Variants in CBLB observed in about 807,000 individuals in gnomAD.
CBLB encodes E3 ubiquitin-protein ligase CBL-B.
CBLB carries 31 observed loss-of-function variants against 104.9 expected under a neutral mutation model. The observed-to-expected ratio is 0.30, with a 90% CI of 0.22 to 0.40. CBLB has a LOEUF of 0.40. CBLB is among the 10% of genes least tolerant of loss of function. The pLI is 1.00. For synonymous variants in CBLB, 440 were observed against 422.6 expected (o/e 1.04, Z -0.51); for missense variants, 1,062 against 1,214.6 (o/e 0.87, Z 1.87).
intron 4 of CBLB, among the ~76,000 whole-genome samples, chr3:105,766,920 T>G (rs1380495070): frequency 6.6e-6 from 1 of 152,236 alleles, no homozygotes; most frequent in African/African-American, 2.4e-5. Context: ...TAAGTATTTA[T>G]CTTCTTTTTA....
rs190089956 is a variant in CBLB at position 105,718,211 on chromosome 3, C to T, written c.1407+1836G>A. ...GTCAAAAAAAATCACATAATTCAAA[C>T]TATTAATAAAAACTGTATCTTTCAG... On this transcript the variant is annotated intron_variant, in intron 10 of 18. Coordinates refer to ENST00000394030, the MANE Select transcript of CBLB (RefSeq NM_170662.5). Among the ~76,000 whole-genome samples, 109 of 152,262 alleles carry T rather than the reference C, an allele frequency of 7.2e-4. No individual in the cohort carries two copies. In the Middle Eastern group the frequency reaches 0.014, roughly 19 times the overall value.
chr3:105,696,727 C>T (rs2068433143), intron 12 of CBLB, among the ~76,000 whole-genome samples: 1 of 151,828 alleles, frequency 6.6e-6, no homozygotes, highest in Non-Finnish European at 1.5e-5. Context: ...GAAAAGAAAA[C>T]TTTAAATATT....
chr3:105,693,609 T>TA (rs1056357297), intron 12 of CBLB, 21 bp from the exon 13 acceptor site: 1 of 1,553,136 alleles, frequency 6.4e-7, no homozygotes, highest in African/African-American at 1.4e-5. Context: ...ATCAAATTGT[T>TA]AGTTTCCAAG....
At chr3:105,800,221 C>T (rs1220209262) in intron 3 of CBLB, among the ~76,000 whole-genome samples, 1 of 152,136 alleles carries the variant, frequency 6.6e-6, no homozygotes, top group African/African-American at 2.4e-5. Context: ...ATTAAATCCG[C>T]ATGTGCAGAC....
At chr3:105,778,943 GAGTTTAAGAAA>G (rs1188895542) in intron 3 of CBLB, among the ~76,000 whole-genome samples, 1 of 152,126 alleles carries the variant, frequency 6.6e-6, no homozygotes, top group Non-Finnish European at 1.5e-5. Flanking sequence ...TTAAAGATTT[GAGTTTAAGAAA>G]AGTATAAAGT....
chr3:105,772,461 G>T (rs897310444), intron 4 of CBLB, among the ~76,000 whole-genome samples: 1 of 152,120 alleles, frequency 6.6e-6, no homozygotes, highest in Non-Finnish European at 1.5e-5. Flanking sequence ...CATTAGCTTA[G>T]GCAGAGAATT....
At position 105,708,382 on chromosome 3, in the gene CBLB, T is replaced by C. The variant is rs184263612; in HGVS notation, c.1408-4209A>G. 2.6e-5 allele frequency among the ~76,000 whole-genome samples: 4 copies of C among 152,174 alleles called. No homozygotes were observed. The East Asian group carries it at 7.7e-4, about 29-fold the overall frequency. ...ATTGTGTATAAAAATGCAGACCAAA[T>C]ACATAAGTATAAAACATCTTGGGTA... On this transcript the variant is annotated intron_variant, in intron 10 of 18. Transcript: ENST00000394030.
At chr3:105,716,386 G>C (rs975944163) in intron 10 of CBLB, among the ~76,000 whole-genome samples, 3 of 152,098 alleles carry the variant, frequency 2.0e-5, no homozygotes, top group Non-Finnish European at 4.4e-5. Flanking sequence ...AGTGCATTTA[G>C]GTGCCTGGGA....
chr3:105,802,501 G>C (rs557859217), intron 3 of CBLB, among the ~76,000 whole-genome samples: 1 of 152,192 alleles, frequency 6.6e-6, no homozygotes, highest in Non-Finnish European at 1.5e-5. Context: ...GATCAGACTG[G>C]AAGTCCCATA....
In CBLB at chr3:105,776,431, A is replaced by G. The variant is rs762189179; in HGVS notation, c.531T>C (p.Asp177=). The G allele has an allele frequency of 9.9e-6, 16 of 1,613,702 alleles. No individual in the cohort carries two copies. Among genetic ancestry groups the G allele is most frequent in the Non-Finnish European group, 1.4e-5 (16 of 1,179,888 alleles). Residue 177 remains aspartate (D), a synonymous_variant, in exon 4 of 19, where the codon GAT becomes GAC. Coordinates refer to ENST00000394030, the MANE Select transcript of CBLB (RefSeq NM_170662.5). ...QGDNFRITKA[D]AAEFWRKFFG... ...AAAACTTTCTCCAGAATTCAGCAGC[A>G]TCTGCTTTTGTGATACGAAAGTTAT...
In CBLB at chr3:105,702,383, G is replaced by A. The variant is rs148064625; in HGVS notation, c.1670C>T (p.Pro557Leu). Residue 557 changes from proline (P) to leucine (L), a missense_variant, in exon 12 of 19, where the codon CCG (proline) becomes CTG (leucine). By Grantham distance (98) the Pro-to-Leu change is moderately conservative. Coordinates refer to ENST00000394030, the MANE Select transcript of CBLB (RefSeq NM_170662.5). ...GATTGGTGGAGGTCTTTCAGGTGGC[G>A]GTGGAGGAGGATCTCTTAAGGGAGG... ...PPPPLRDPPP[P>L]PPERPPPIPP... 207 of 1,611,528 alleles carry A rather than the reference G, an allele frequency of 1.3e-4. No homozygotes were observed. The highest frequency in any genetic ancestry group is 4.2e-4 in the Admixed American group (25 of 59,784).
At chr3:105,855,454 T>G (rs1312523941) in intron 2 of CBLB, among the ~76,000 whole-genome samples, 1 of 152,240 alleles carries the variant, frequency 6.6e-6, no homozygotes, top group African/African-American at 2.4e-5. Flanking sequence ...ATATGTTAAT[T>G]TATTTGATGT....
chr3:105,864,692 A>G (rs2092323248), intron 2 of CBLB, among the ~76,000 whole-genome samples: 1 of 152,184 alleles, frequency 6.6e-6, no homozygotes, highest in Non-Finnish European at 1.5e-5. Context: ...ACGCTCTCCT[A>G]TTCTCAGTGA....
chr3:105,739,736 GAGAAA>G (rs2075327033), intron 7 of CBLB, among the ~76,000 whole-genome samples: 1 of 152,106 alleles, frequency 6.6e-6, no homozygotes, highest in African/African-American at 2.4e-5. Context: ...GATCTACAGA[GAGAAA>G]AGAAAAGGGG....
rs1257117985 is a variant in CBLB, at chr3:105,741,370, G to A, written c.846-739C>T. 1.0e-4 allele frequency among the ~76,000 whole-genome samples: 15 copies of A among 148,750 alleles called. 1 individual carries two copies. Among genetic ancestry groups the A allele is most frequent in the Admixed American group, 1.0e-3 (15 of 14,932 alleles). On this transcript the variant is annotated intron_variant, in intron 6 of 18. Transcript: ENST00000394030. ...CGCCCAGCTAATTTTTTGTATTTTT[G>A]TTGTTGTTGTTATTTTGTTGTTGTT...
chr3:105,742,512 A>G (rs186695729), intron 6 of CBLB, among the ~76,000 whole-genome samples: 3 of 152,206 alleles, frequency 2.0e-5, no homozygotes, highest in Admixed American at 1.3e-4. Flanking sequence ...TGAAAATAGG[A>G]TATCAATCTG....
chr3:105,793,699 C>T (rs932774881), intron 3 of CBLB, among the ~76,000 whole-genome samples: 1 of 152,170 alleles, frequency 6.6e-6, no homozygotes, highest in Non-Finnish European at 1.5e-5. Context: ...ATTATAACTT[C>T]CAGTTCCACG....
intron 18 of CBLB, among the ~76,000 whole-genome samples, chr3:105,667,222 T>C (rs989590149): frequency 6.6e-6 from 1 of 152,204 alleles, no homozygotes; most frequent in Non-Finnish European, 1.5e-5. Flanking sequence ...TGTTTTCAAG[T>C]GTTACCTTGA....
intron 12 of CBLB, among the ~76,000 whole-genome samples, chr3:105,697,147 GT>G (rs1334833291): frequency 6.6e-6 from 1 of 151,872 alleles, no homozygotes; most frequent in Non-Finnish European, 1.5e-5. Flanking sequence ...TCCCCAGAGT[GT>G]CTTGAACATC....
Sources: allele counts gnomAD v4.1 joint callset (sites outside exome capture counted in the v4.1 genomes callset), GRCh38; gene constraint gnomAD v4.1.1; transcripts MANE v1.5; gene names NCBI Gene and HGNC (gene_info 2026-07-23, HGNC 2026-07-21).